ACACA: variants seen among roughly 807,000 people sequenced by gnomAD.
The protein encoded by ACACA is acetyl-CoA carboxylase 1.
ACACA carries 103 observed loss-of-function variants against 296.1 expected under a neutral mutation model. The observed-to-expected ratio is 0.35, with a 90% CI of 0.30 to 0.41. ACACA has a LOEUF of 0.41. Among genes scored for constraint, ACACA ranks in the 10% least tolerant of loss-of-function variants. ACACA has a pLI of 1.00. For synonymous variants in ACACA, 953 were observed against 1,038.6 expected, an observed-to-expected ratio of 0.92 and a Z score of 1.58; for missense variants, 1,554 against 2,989.7, an observed-to-expected ratio of 0.52 and a Z score of 11.20.
chr17:37,104,944 G>GAAAAAAAAAA (rs66518229), intron 52 of ACACA, among the ~76,000 whole-genome samples: 3 of 56,646 alleles, frequency 5.3e-5, no homozygotes, highest in Non-Finnish European at 9.9e-5. Flanking sequence ...GTCTCTGACC[G>GAAAAAAAAAA]AAAAAAAAAA....
intron 1 of ACACA, among the ~76,000 whole-genome samples, chr17:37,344,593 A>C (rs2048532291): frequency 1.3e-5 from 2 of 152,030 alleles, no homozygotes; most frequent in African/African-American, 4.8e-5. Context: ...TAAATAAACT[A>C]AAAAGGCATA....
At chr17:37,381,552 C>T (rs547546989) in intron 1 of ACACA, among the ~76,000 whole-genome samples, 46 of 151,760 alleles carry the variant, frequency 3.0e-4, no homozygotes, top group African/African-American at 1.1e-3. Flanking sequence ...TATATATTTA[C>T]CCCATACTTT....
chr17:37,183,902 G>A (rs1598098695), intron 39 of ACACA, among the ~76,000 whole-genome samples: 1 of 145,566 alleles, frequency 6.9e-6, no homozygotes, highest in East Asian at 2.0e-4. Context: ...GCCCAGGCTG[G>A]AGTGCAATGG....
intron 4 of ACACA, 104 bp downstream of exon 4, chr17:37,284,734 C>G (rs1357647553): frequency 1.1e-5 from 17 of 1,510,416 alleles, no homozygotes; most frequent in Non-Finnish European, 1.6e-5. Context: ...GGCAAAGCCT[C>G]TGAGAAACTA....
At chr17:37,352,590 G>A (rs1016171392) in intron 1 of ACACA, among the ~76,000 whole-genome samples, 6 of 152,122 alleles carry the variant, frequency 3.9e-5, no homozygotes, top group South Asian at 2.1e-4. Context: ...ATGGTGGTGT[G>A]TGTCTGTAGT....
chr17:37,334,911 C>T (rs568492084), intron 2 of ACACA, among the ~76,000 whole-genome samples: 8 of 152,138 alleles, frequency 5.3e-5, no homozygotes, highest in African/African-American at 1.4e-4. Flanking sequence ...TATAACTCTG[C>T]CACTCTTTGC....
intron 41 of ACACA, among the ~76,000 whole-genome samples, chr17:37,174,020 A>ATATATATATATAT (rs552735515): frequency 1.2e-4 from 2 of 16,794 alleles, no homozygotes; most frequent in Non-Finnish European, 2.0e-4. Flanking sequence ...ATATATATAT[A>ATATATATATATAT]TTTTTTTTTT....
intron 15 of ACACA, 94 bp from the exon 16 acceptor site, chr17:37,252,202 C>T (rs146494713): frequency 1.0e-6 from 1 of 969,606 alleles, no homozygotes; most frequent in African/African-American, 1.6e-5. Flanking sequence ...TGTGATGAAA[C>T]AGCTAGCAAT....
chr17:37,402,947 C>T (rs1051978721), intron 1 of ACACA, among the ~76,000 whole-genome samples: 1 of 152,220 alleles, frequency 6.6e-6, no homozygotes, highest in Non-Finnish European at 1.5e-5. Flanking sequence ...GCTGGGATTA[C>T]AGGCGTGAGC....
chr17:37,349,442 G>C (rs1487031999), intron 1 of ACACA, among the ~76,000 whole-genome samples: 1 of 145,728 alleles, frequency 6.9e-6, no homozygotes, highest in African/African-American at 2.5e-5. Context: ...CTTACATATA[G>C]ATAAGATATA....
intron 47 of ACACA, among the ~76,000 whole-genome samples, chr17:37,127,182 T>A (rs2074830569): frequency 6.6e-6 from 1 of 152,188 alleles, no homozygotes; most frequent in African/African-American, 2.4e-5. Context: ...CATACTTCTG[T>A]TCACCCATGA....
intron 36 of ACACA, among the ~76,000 whole-genome samples, chr17:37,192,949 G>A (rs539257065): frequency 4.2e-4 from 64 of 152,260 alleles, no homozygotes; most frequent in African/African-American, 1.4e-3. Context: ...TGTCAATTGA[G>A]TGAATGGAGA....
chr17:37,276,555 G>A (rs185809559), intron 7 of ACACA, among the ~76,000 whole-genome samples: 3 of 152,292 alleles, frequency 2.0e-5, no homozygotes, highest in South Asian at 4.1e-4. Context: ...TATAACCTCT[G>A]TTTTTCTCTC....
Position 37,179,351 on chromosome 17 carries a change from G to T in ACACA, c.4988C>A (p.Pro1663His). 6 of 1,614,166 alleles carry T rather than the reference G, an allele frequency of 3.7e-6. No homozygotes were observed. Among genetic ancestry groups the T allele is most frequent in the Non-Finnish European group, 5.1e-6 (6 of 1,180,008 alleles). ...GTAAGTCAGCATGTCAGAAGGCAGA[G>T]GGGGAGATGGAAGAAATGCTTGAGT... ...MSTQAFLPSP[P>H]LPSDMLTYTE... The change falls in exon 41 of 56, where the codon CCT becomes CAT. Residue 1663 changes from proline to histidine, a missense_variant. Physicochemically the swap from Pro to His is moderately conservative, Grantham distance 77. Transcript: ENST00000616317.
intron 24 of ACACA, among the ~76,000 whole-genome samples, chr17:37,239,693 AC>A (rs1331902262): frequency 6.6e-6 from 1 of 152,126 alleles, no homozygotes; most frequent in Non-Finnish European, 1.5e-5. Flanking sequence ...CTTTCTCCAA[AC>A]TGATCAACCT....
chr17:37,359,555 C>T (rs1460705051), intron 1 of ACACA, among the ~76,000 whole-genome samples: 1 of 152,158 alleles, frequency 6.6e-6, no homozygotes, highest in African/African-American at 2.4e-5. Context: ...GGGAAGCGGT[C>T]CCGCATGCGC....
chr17:37,241,843 C>T, intron 23 of ACACA, 110 bp downstream of exon 23: 2 of 812,434 alleles, frequency 2.5e-6, no homozygotes, highest in East Asian at 2.6e-5. Context: ...ATATAAGATG[C>T]TTTCCAATTT....
At chr17:37,356,444 T>C (rs1039532182) in intron 1 of ACACA, among the ~76,000 whole-genome samples, 1 of 152,070 alleles carries the variant, frequency 6.6e-6, no homozygotes, top group Non-Finnish European at 1.5e-5. Context: ...AGTGGCGCAA[T>C]CTCAGCTCAC....
chr17:37,121,118 AC>A (rs574671308), intron 50 of ACACA, among the ~76,000 whole-genome samples: 116 of 151,560 alleles, frequency 7.7e-4, no homozygotes, highest in Non-Finnish European at 1.2e-3. Flanking sequence ...GAGATCCACA[AC>A]AGTAGGTCAC....
Sources: allele counts gnomAD v4.1 joint callset (sites outside exome capture counted in the v4.1 genomes callset), GRCh38; gene constraint gnomAD v4.1.1; transcripts MANE v1.5; gene names NCBI Gene and HGNC (gene_info 2026-07-23, HGNC 2026-07-21).